LAMB1: variants seen among roughly 807,000 people sequenced by gnomAD.
LAMB1 encodes the protein laminin subunit beta-1.
In LAMB1, 121 loss-of-function variants were observed where a neutral mutation model predicts 222.3. That is an observed-to-expected ratio of 0.54 (90% CI 0.47 to 0.63). LAMB1 has a LOEUF of 0.63. LAMB1 is among the 30% of genes least tolerant of loss of function. The pLI, the probability that LAMB1 is intolerant of heterozygous loss-of-function variation, is 0.00. For synonymous variants in LAMB1, 794 were observed against 807.2 expected (o/e 0.98, Z 0.28); for missense variants, 2,172 against 2,240.8 (o/e 0.97, Z 0.62).
At chr7:107,946,076 C>T (rs578239080) in intron 24 of LAMB1, among the ~76,000 whole-genome samples, 1 of 152,158 alleles carries the variant, frequency 6.6e-6, no homozygotes, top group Non-Finnish European at 1.5e-5. Context: ...TTGTTGGAAA[C>T]TTAAATTTGC....
At chr7:107,951,398 C>T (rs1356420173) in intron 23 of LAMB1, 76 bp from the exon 24 acceptor site, 23 of 1,310,462 alleles carry the variant, frequency 1.8e-5, no homozygotes, top group Non-Finnish European at 2.4e-5. Context: ...TTCTAGCTGC[C>T]ACTTAGAAGT....
At chr7:107,933,275 A>T (rs1026071926) in intron 27 of LAMB1, among the ~76,000 whole-genome samples, 2 of 152,236 alleles carry the variant, frequency 1.3e-5, no homozygotes, top group African/African-American at 4.8e-5. Context: ...GAAGACAAAG[A>T]TTTACTGCAG....
intron 26 of LAMB1, among the ~76,000 whole-genome samples, chr7:107,936,023 T>C (rs937592736): frequency 1.1e-4 from 16 of 152,178 alleles, no homozygotes; most frequent in African/African-American, 7.2e-5. Flanking sequence ...ATGACTAATA[T>C]AGTAGCCCTC....
intron 9 of LAMB1, among the ~76,000 whole-genome samples, chr7:107,976,993 CTCCT>C (rs2033877015): frequency 9.8e-6 from 1 of 102,134 alleles, no homozygotes; most frequent in African/African-American, 3.9e-5. Context: ...TTTCCTCTTC[CTCCT>C]TCCTTCCTTT....
In LAMB1 at chr7:107,975,866, T is replaced by G; in HGVS notation, c.1012A>C (p.Asn338His). The change falls in exon 10 of 34, where the codon AAT becomes CAT. Residue 338 changes from asparagine to histidine, a missense_variant. Asn to His is a moderately conservative substitution (Grantham distance 68, BLOSUM62 1). Transcript: ENST00000222399. ...NSNACKKCNC[N>H]EHSISCHFDM... ...AAGTGACAAGAGATGGAATGTTCATTGCAGTTACATTCTGCGTGACAAGAG... is the reference window on the plus strand; with the variant it reads ...AAGTGACAAGAGATGGAATGTTCATGGCAGTTACATTCTGCGTGACAAGAG... 2.5e-6 allele frequency: 4 copies of G among 1,613,902 alleles called. No individual in the cohort carries two copies. The highest frequency in any genetic ancestry group is 3.4e-6 in the Non-Finnish European group (4 of 1,179,952).
chr7:107,926,221 C>T lies in LAMB1; in HGVS notation c.5026G>A (p.Val1676Ile), dbSNP rs373364709. Residue 1676 changes from valine (V) to isoleucine (I), a missense_variant, in exon 32 of 34, where the codon GTA becomes ATA. Val to Ile is a conservative substitution (Grantham distance 29, BLOSUM62 3). Coordinates refer to ENST00000222399, the MANE Select transcript of LAMB1 (RefSeq NM_002291.3). ...TCTGCACTTTGCTTCACAGTATATACTACTTTTTCAATATATTCTGCCTCC... is the reference window on the plus strand; with the variant it reads ...TCTGCACTTTGCTTCACAGTATATATTACTTTTTCAATATATTCTGCCTCC... ...SGEAEYIEKV[V>I]YTVKQSAEDV... 10 of 1,613,780 alleles carry T rather than the reference C, an allele frequency of 6.2e-6. No individual in the cohort carries two copies. The highest frequency in any genetic ancestry group is 8.5e-6 in the Non-Finnish European group (10 of 1,179,800).
chr7:107,943,801 AAAAG>A (rs1233751515), intron 24 of LAMB1, among the ~76,000 whole-genome samples: 1 of 152,186 alleles, frequency 6.6e-6, no homozygotes, highest in Non-Finnish European at 1.5e-5. Flanking sequence ...ATTAGAGAAA[AAAAG>A]AGAGCATGTG....
At chr7:107,941,411 T>C (rs928846231) in intron 24 of LAMB1, among the ~76,000 whole-genome samples, 8 of 152,210 alleles carry the variant, frequency 5.3e-5, no homozygotes, top group African/African-American at 1.9e-4. Context: ...GAATATACTA[T>C]CTTATTTCCC....
rs577094304 is a variant in LAMB1 at position 107,940,406 on chromosome 7, C to T, written c.3392-48G>A. 8 of 1,565,832 alleles carry T rather than the reference C, an allele frequency of 5.1e-6. No individual in the cohort carries two copies. In the African/African-American group the frequency reaches 6.7e-5, roughly 13 times the overall value. ...AGCTGATCTACTTAATCATGAACCT[C>T]AGTGACAAGATGTGGCATTTAGAAT... On this transcript the variant is annotated intron_variant, in intron 24 of 33. Coordinates refer to ENST00000222399, the MANE Select transcript of LAMB1 (RefSeq NM_002291.3).
At chr7:107,988,313 A>T (rs768217552) in intron 5 of LAMB1, among the ~76,000 whole-genome samples, 3 of 152,222 alleles carry the variant, frequency 2.0e-5, no homozygotes, top group Non-Finnish European at 4.4e-5. Context: ...TGTGATGTCC[A>T]CTTGGAGACA....
rs749317191 is a variant in LAMB1, at chr7:107,962,933, T to C, written c.1829A>G (p.Tyr610Cys). Residue 610 changes from tyrosine (Y) to cysteine (C), a missense_variant, in exon 15 of 34, where the codon TAC becomes TGC. By Grantham distance (194) the Tyr-to-Cys change is radical (BLOSUM62 -2). Coordinates refer to ENST00000222399, the MANE Select transcript of LAMB1 (RefSeq NM_002291.3). ...TGGCTCGTAGCGAATTAGGATGTCG[T>C]ACTCCATGGAATATGGTATGTTGTC... ...FIDNIPYSME[Y>C]DILIRYEPQL... The C allele has an allele frequency of 4.8e-5, 78 of 1,613,844 alleles. 2 individuals carry two copies. In the South Asian group the frequency reaches 5.3e-4, roughly 11 times the overall value.
intron 20 of LAMB1, among the ~76,000 whole-genome samples, chr7:107,957,624 G>A (rs1382561625): frequency 6.6e-6 from 1 of 152,188 alleles, no homozygotes; most frequent in Admixed American, 6.5e-5. Context: ...ATTGGGCCAG[G>A]AACTGAGGTC....
At position 108,002,982 on chromosome 7, in the gene LAMB1, G is replaced by A. The variant is rs1295603136; in HGVS notation, c.-86-11C>T. On this transcript the variant is annotated splice_polypyrimidine_tract_variant and intron_variant, in intron 1 of 33. Coordinates refer to ENST00000222399, the MANE Select transcript of LAMB1 (RefSeq NM_002291.3). ...TTCCCGTCTTCCTTTCTGGAGAGGT[G>A]GAAAGGAGGGGAAAAAAGGCAAATG... 1.0e-5 allele frequency: 16 copies of A among 1,574,054 alleles called. No individual in the cohort carries two copies. Among genetic ancestry groups the A allele is most frequent in the Admixed American group, 1.9e-5 (1 of 52,118 alleles).
intron 15 of LAMB1, 26 bp from the exon 16 acceptor site, chr7:107,961,702 A>C (rs755245140): frequency 1.2e-6 from 2 of 1,604,534 alleles, no homozygotes; most frequent in Non-Finnish European, 1.7e-6. Flanking sequence ...AACAATGAAA[A>C]GATAGTTAGC....
chr7:107,964,766 A>G (rs1289261300), intron 13 of LAMB1, 79 bp from the exon 14 acceptor site: 6 of 1,510,486 alleles, frequency 4.0e-6, no homozygotes, highest in Admixed American at 1.8e-5. Flanking sequence ...TACAGCTGCC[A>G]TTACTCAGTA....
intron 24 of LAMB1, among the ~76,000 whole-genome samples, chr7:107,950,427 C>CT (rs1273081280): frequency 2.0e-5 from 3 of 152,126 alleles, no homozygotes; most frequent in African/African-American, 4.8e-5. Context: ...CATATTTTGA[C>CT]TTTAAGATCT....
At chr7:107,979,562 C>G (rs756025221) in intron 8 of LAMB1, among the ~76,000 whole-genome samples, 1 of 152,120 alleles carries the variant, frequency 6.6e-6, no homozygotes, top group African/African-American at 2.4e-5. Context: ...TCCTATCTGG[C>G]CTTAAAATCC....
At chr7:107,962,740 G>C (rs1377876236) in intron 15 of LAMB1, among the ~76,000 whole-genome samples, 165 bp downstream of exon 15, 1 of 151,184 alleles carries the variant, frequency 6.6e-6, no homozygotes, top group Non-Finnish European at 1.5e-5. Flanking sequence ...GAAAGAAAAT[G>C]GTACATTTAT....
intron 2 of LAMB1, chr7:108,002,247 C>A: frequency 1.5e-6 from 2 of 1,325,336 alleles, no homozygotes; most frequent in Non-Finnish European, 2.0e-6. Flanking sequence ...GGGTCACCGG[C>A]GCTTCGCTGG....
Sources: allele counts gnomAD v4.1 joint callset (sites outside exome capture counted in the v4.1 genomes callset), GRCh38; gene constraint gnomAD v4.1.1; transcripts MANE v1.5; gene names NCBI Gene and HGNC (gene_info 2026-07-23, HGNC 2026-07-21).